SAMD12: variants seen among roughly 807,000 people sequenced by gnomAD.
SAMD12 encodes the protein sterile alpha motif domain containing 12.
A neutral mutation model predicts 15.0 loss-of-function variants in SAMD12; 9 were observed. The observed-to-expected ratio is 0.60, with a 90% CI of 0.36 to 1.05. The LOEUF (loss-of-function observed/expected upper bound fraction) is 1.05. Among genes scored for constraint, SAMD12 ranks in the 50% least tolerant of loss-of-function variants. The probability of loss-of-function intolerance (pLI) is 0.01; values close to 1 mark genes in which losing one functional copy is unlikely to be tolerated. For missense variants in SAMD12, 230 were observed against 234.2 expected (o/e 0.98, Z 0.12); for synonymous variants, 86 against 90.1 (o/e 0.96, Z 0.25).
chr8:118,431,236 G>C (rs1207113427), intron 3 of SAMD12, among the ~76,000 whole-genome samples: 2 of 152,062 alleles, frequency 1.3e-5, no homozygotes. Flanking sequence ...ATAAAACCCA[G>C]TGTATTATTG....
At chr8:118,477,399 C>T (rs527444880) in intron 2 of SAMD12, among the ~76,000 whole-genome samples, 2 of 152,104 alleles carry the variant, frequency 1.3e-5, no homozygotes, top group Non-Finnish European at 2.9e-5. Flanking sequence ...TTCAGAATGG[C>T]TGTTTCACAA....
At chr8:118,396,800 G>A (rs1820592850) in intron 3 of SAMD12, among the ~76,000 whole-genome samples, 2 of 152,204 alleles carry the variant, frequency 1.3e-5, no homozygotes, top group South Asian at 2.1e-4. Flanking sequence ...ACAGAAACCA[G>A]TTCGGAACCT....
chr8:118,136,273 G>A, the SAMD12 span, among the ~76,000 whole-genome samples: 219 of 150,842 alleles, frequency 1.5e-3, no homozygotes, highest in African/African-American at 4.6e-3. Flanking sequence ...CAAGTGATCC[G>A]CCCGCCTTGG....
intron 4 of SAMD12, among the ~76,000 whole-genome samples, chr8:118,269,945 G>T (rs989230546): frequency 6.6e-6 from 1 of 152,132 alleles, no homozygotes; most frequent in Non-Finnish European, 1.5e-5. Flanking sequence ...TCTCATCTGT[G>T]CAATGGGAGT....
At chr8:118,372,418 C>A (rs1295171463) in intron 4 of SAMD12, among the ~76,000 whole-genome samples, 1 of 139,830 alleles carries the variant, frequency 7.2e-6, no homozygotes, top group Non-Finnish European at 1.5e-5. Flanking sequence ...TACAAAGATG[C>A]AGTATTTTTT....
chr8:118,391,262 T>C (rs554775867), intron 3 of SAMD12, among the ~76,000 whole-genome samples: 1 of 152,240 alleles, frequency 6.6e-6, no homozygotes, highest in African/African-American at 2.4e-5. Context: ...ACCAACATAA[T>C]GGAGACTATA....
rs1054194225 is a variant in SAMD12 at position 118,266,889 on chromosome 8, G to T, written c.434-69157C>A. ...AATGATAAAAAATTTAATTTAACAG[G>T]AGAAATAAATCTAAGAGATCCATTG... On this transcript the variant is annotated intron_variant, in intron 4 of 4. Transcript: ENST00000409003. Among the ~76,000 whole-genome samples the T allele has an allele frequency of 3.3e-5, 5 of 152,096 alleles. 1 individual carries two copies. The South Asian group carries it at 1.0e-3, about 32-fold the overall frequency.
chr8:118,137,694 A>G, the SAMD12 span, among the ~76,000 whole-genome samples: 1 of 152,198 alleles, frequency 6.6e-6, no homozygotes, highest in African/African-American at 2.4e-5. Flanking sequence ...CCTGGACCAC[A>G]TTGGAAGAAG....
intron 4 of SAMD12, among the ~76,000 whole-genome samples, chr8:118,320,855 A>G (rs1188900080): frequency 6.7e-6 from 1 of 148,730 alleles, no homozygotes; most frequent in Non-Finnish European, 1.5e-5. Context: ...ATAACAGAAC[A>G]ATGCATGTGT....
At chr8:118,254,832 C>T (rs1363174836) in intron 4 of SAMD12, among the ~76,000 whole-genome samples, 1 of 152,054 alleles carries the variant, frequency 6.6e-6, no homozygotes, top group Non-Finnish European at 1.5e-5. Context: ...TTTTCTTCCT[C>T]TCCCACATTG....
At chr8:118,142,213 G>A in the SAMD12 span, among the ~76,000 whole-genome samples, 1 of 152,160 alleles carries the variant, frequency 6.6e-6, no homozygotes, top group East Asian at 1.9e-4. Flanking sequence ...AATGTTAGAA[G>A]CAGACTCTCA....
intron 2 of SAMD12, among the ~76,000 whole-genome samples, chr8:118,510,251 C>A (rs533071531): frequency 6.6e-6 from 1 of 152,140 alleles, no homozygotes; most frequent in African/African-American, 2.4e-5. Context: ...CGCACACATG[C>A]ATGCACACAC....
chr8:118,372,168 C>G (rs1163404313), intron 4 of SAMD12, among the ~76,000 whole-genome samples: 1 of 152,134 alleles, frequency 6.6e-6, no homozygotes, highest in African/African-American at 2.4e-5. Flanking sequence ...AAAAAGGAAT[C>G]TGACTGGCTC....
At chr8:118,326,583 G>A (rs1816573799) in intron 4 of SAMD12, among the ~76,000 whole-genome samples, 3 of 152,138 alleles carry the variant, frequency 2.0e-5, no homozygotes, top group Admixed American at 6.6e-5. Flanking sequence ...TATATGAATT[G>A]ATGCTTAGTA....
At chr8:118,132,097 A>T in the SAMD12 span, among the ~76,000 whole-genome samples, 2 of 152,216 alleles carry the variant, frequency 1.3e-5, no homozygotes, top group Admixed American at 1.3e-4. Flanking sequence ...AATAAAAGTT[A>T]AATCATATAA....
At chr8:118,195,351 C>T (rs1819529550) in exon 5 of SAMD12, 1 of 152,176 alleles carries the variant, frequency 6.6e-6, no homozygotes, top group Non-Finnish European at 1.5e-5. Flanking sequence ...AACTGTGTGT[C>T]CCCTGGATGA....
chr8:118,163,893 CAAAACAAA>C, the SAMD12 span, among the ~76,000 whole-genome samples: 1 of 147,998 alleles, frequency 6.8e-6, no homozygotes, highest in Non-Finnish European at 1.5e-5. Flanking sequence ...CAAAACAAAA[CAAAACAAA>C]ACAAAACAAA....
intron 4 of SAMD12, among the ~76,000 whole-genome samples, chr8:118,302,078 G>GTTTTTTTTTTTTTTTTTTTTTTTTTT (rs58076997): frequency 2.7e-4 from 20 of 74,684 alleles, no homozygotes; most frequent in African/African-American, 1.0e-3. Flanking sequence ...ATCTTTGAGA[G>GTTTTTTTTTTTTTTTTTTTTTTTTTT]TTTTTTTTTT....
At chr8:118,592,663 TTAA>T (rs975550869) in intron 1 of SAMD12, among the ~76,000 whole-genome samples, 2 of 150,792 alleles carry the variant, frequency 1.3e-5, no homozygotes, top group African/African-American at 5.0e-5. Flanking sequence ...TTTACTGTTA[TTAA>T]TATTATTTTA....
Sources: gnomAD v4.1 joint callset for allele counts (sites outside exome capture counted in the v4.1 genomes callset) on GRCh38, gnomAD v4.1.1 for gene constraint, MANE v1.5 for transcripts, NCBI Gene and HGNC (gene_info 2026-07-23, HGNC 2026-07-21) for gene names.